DENND2B: variants seen among roughly 807,000 people sequenced by gnomAD.
DENND2B encodes the protein DENN domain-containing protein 2B.
A neutral mutation model predicts 116.0 loss-of-function variants in DENND2B; 32 were observed. The observed-to-expected ratio is 0.28, with a 90% CI of 0.21 to 0.37. DENND2B has a LOEUF of 0.37. Ranked by LOEUF, DENND2B falls within the 10% of genes least tolerant of loss-of-function variation. The pLI, the probability that DENND2B is intolerant of heterozygous loss-of-function variation, is 1.00. For missense variants in DENND2B, 1,276 were observed against 1,477.7 expected (o/e 0.86, Z 2.24); for synonymous variants, 588 against 583.9 (o/e 1.01, Z -0.10).
intron 3 of DENND2B, among the ~76,000 whole-genome samples, chr11:8,846,560 G>A (rs2062822083): frequency 6.6e-6 from 1 of 152,256 alleles, no homozygotes; most frequent in South Asian, 2.1e-4. Context: ...CCTACAGATG[G>A]GAACAAATGA....
At chr11:8,714,823 C>T (rs1027042448) in intron 6 of DENND2B, 117 bp from the exon 7 acceptor site, 26 of 857,034 alleles carry the variant, frequency 3.0e-5, no homozygotes, top group East Asian at 1.8e-4. Flanking sequence ...GCATTGCACC[C>T]GCTGGGTCCA....
intron 4 of DENND2B, among the ~76,000 whole-genome samples, chr11:8,829,339 T>C (rs2062114669): frequency 1.3e-5 from 2 of 152,104 alleles, no homozygotes; most frequent in Admixed American, 6.5e-5. Flanking sequence ...AGTGGTGTCT[T>C]TGCAGTCAGC....
chr11:8,892,046 A>G (rs2064040709), intron 1 of DENND2B, among the ~76,000 whole-genome samples: 1 of 152,254 alleles, frequency 6.6e-6, no homozygotes, highest in African/African-American at 2.4e-5. Flanking sequence ...ACTGTCTCTC[A>G]GACGACAGAG....
chr11:8,886,657 G>T (rs1006273923), intron 1 of DENND2B, among the ~76,000 whole-genome samples: 3 of 151,328 alleles, frequency 2.0e-5, no homozygotes, highest in African/African-American at 7.3e-5. Flanking sequence ...TTAGATGATA[G>T]TACCTGTAGG....
intron 4 of DENND2B, among the ~76,000 whole-genome samples, chr11:8,837,569 A>G (rs937596122): frequency 6.6e-6 from 1 of 151,902 alleles, no homozygotes; most frequent in African/African-American, 2.4e-5. Context: ...GCTGGTCTCG[A>G]ACTCCTGACC....
chr11:8,754,029 G>GCGTGCACACA (rs146486674), intron 1 of DENND2B, among the ~76,000 whole-genome samples: 2 of 138,830 alleles, frequency 1.4e-5, no homozygotes, highest in South Asian at 2.4e-4. Context: ...CCAAAAGCGC[G>GCGTGCACACA]CACACACACA....
Position 8,702,692 on chromosome 11 carries a change from G to A in DENND2B, c.2600C>T (p.Ser867Leu). The change falls in exon 14 of 20, where the codon TCA (serine) becomes TTA (leucine). Residue 867 changes from serine (S) to leucine (L), a missense_variant. Coordinates refer to ENST00000313726, the MANE Select transcript of DENND2B (RefSeq NM_213618.2). The surrounding 1 kb of genome is among the most constrained non-coding windows in gnomAD (Gnocchi z 4.6). ...CTCAAAGTCCACGTGCTCCAGCCTT[G>A]AGTCCATGGGCCGCCGCAGCTCTAA... ...EVLELRRPMD[S>L]RLEHVDFECL... is the part of the protein sequence containing the mutation. 2 of 1,613,808 alleles carry A rather than the reference G, an allele frequency of 1.2e-6. No individual in the cohort carries two copies. Among genetic ancestry groups the A allele is most frequent in the Non-Finnish European group, 1.7e-6 (2 of 1,180,022 alleles).
intron 1 of DENND2B, among the ~76,000 whole-genome samples, chr11:8,786,888 G>A (rs1305174629): frequency 6.6e-6 from 1 of 152,158 alleles, no homozygotes; most frequent in Non-Finnish European, 1.5e-5. Context: ...TTTCTTCGGT[G>A]CTGATGTTAT....
chr11:8,777,146 G>A (rs1025992558), intron 1 of DENND2B, among the ~76,000 whole-genome samples: 8 of 152,140 alleles, frequency 5.3e-5, no homozygotes, highest in Non-Finnish European at 7.4e-5. Context: ...CAAATGCCAC[G>A]TGATACATGC....
chr11:8,713,349 T>G (rs552414778), intron 8 of DENND2B, among the ~76,000 whole-genome samples: 34 of 152,086 alleles, frequency 2.2e-4, no homozygotes, highest in Non-Finnish European at 4.1e-4. Context: ...GAGGTCCTTG[T>G]AATCTTCTGT....
chr11:8,833,902 A>C (rs919335999), intron 4 of DENND2B, among the ~76,000 whole-genome samples: 1 of 152,192 alleles, frequency 6.6e-6, no homozygotes, highest in Non-Finnish European at 1.5e-5. Context: ...GGTGCCAGTG[A>C]AGCAAAGGTA....
chr11:8,748,649 A>C (rs2051757226), intron 2 of DENND2B, among the ~76,000 whole-genome samples: 1 of 152,152 alleles, frequency 6.6e-6, no homozygotes, highest in African/African-American at 2.4e-5. Flanking sequence ...AGAGAAGCGG[A>C]AATGTGGTAG....
chr11:8,713,251 A>G (rs2044092813), intron 8 of DENND2B, among the ~76,000 whole-genome samples: 1 of 152,132 alleles, frequency 6.6e-6, no homozygotes, highest in Non-Finnish European at 1.5e-5. Flanking sequence ...AACCTTTTCA[A>G]GCTCCTCTCT....
At chr11:8,698,713 A>G (rs1314622811) in intron 16 of DENND2B, among the ~76,000 whole-genome samples, 4 of 152,192 alleles carry the variant, frequency 2.6e-5, no homozygotes, top group African/African-American at 9.6e-5. Context: ...GTGTTCTTCA[A>G]ATTCCCACAC....
chr11:8,791,443 A>C (rs1481569946), intron 1 of DENND2B, among the ~76,000 whole-genome samples: 1 of 152,166 alleles, frequency 6.6e-6, no homozygotes, highest in African/African-American at 2.4e-5. Context: ...TCTCTCACTA[A>C]AGGCTTTTTT....
intron 2 of DENND2B, among the ~76,000 whole-genome samples, chr11:8,858,708 G>T (rs139342167): frequency 2.0e-5 from 3 of 152,322 alleles, no homozygotes; most frequent in African/African-American, 7.2e-5. Flanking sequence ...GACAGGAGCA[G>T]AGGAGCCAGG....
chr11:8,731,996 T>C (rs1466166717), intron 2 of DENND2B, among the ~76,000 whole-genome samples: 2 of 152,204 alleles, frequency 1.3e-5, no homozygotes, highest in Non-Finnish European at 2.9e-5. Flanking sequence ...CTACTAGACA[T>C]AACATCTCAC....
intron 1 of DENND2B, among the ~76,000 whole-genome samples, chr11:8,801,253 GCTCCGATCTATATGCTGA>G (rs1246836396): frequency 1.3e-5 from 2 of 151,986 alleles, no homozygotes; most frequent in Non-Finnish European, 2.9e-5. Flanking sequence ...AGGTACAGGA[GCTCCGATCTATATGCTGA>G]CTGGGGGACG....
chr11:8,718,668 A>C, intron 4 of DENND2B: 1 of 1,240,182 alleles, frequency 8.1e-7, no homozygotes, highest in Non-Finnish European at 1.0e-6. Flanking sequence ...GCTTGGAAGG[A>C]GTCTGGGCCA....
Sources: allele counts gnomAD v4.1 joint callset (sites outside exome capture counted in the v4.1 genomes callset), GRCh38; gene constraint gnomAD v4.1.1; non-coding constraint Gnocchi (gnomAD v3.1); transcripts MANE v1.5; gene names NCBI Gene and HGNC (gene_info 2026-07-23, HGNC 2026-07-21).